Variants in MARCHF8 observed in about 807,000 individuals in gnomAD.
The protein encoded by MARCHF8 is membrane associated ring-CH-type finger 8.
A neutral mutation model predicts 51.6 loss-of-function variants in MARCHF8; 40 were observed. That is an observed-to-expected ratio of 0.77 (90% CI 0.60 to 1.01). The LOEUF is 1.01. MARCHF8 is among the 50% of genes least tolerant of loss of function. The pLI is 0.00. For missense variants in MARCHF8, 685 were observed against 708.6 expected, an observed-to-expected ratio of 0.97 and a Z score of 0.38; for synonymous variants, 263 against 280.3, an observed-to-expected ratio of 0.94 and a Z score of 0.62.
At chr10:45,563,424 A>G (rs1354745305) in intron 1 of MARCHF8, among the ~76,000 whole-genome samples, 1 of 152,196 alleles carries the variant, frequency 6.6e-6, no homozygotes, top group African/African-American at 2.4e-5. Flanking sequence ...AATCCTCTGT[A>G]TATATGAGAG....
chr10:45,536,834 A>AT (rs2043976858), upstream of MARCHF8, among the ~76,000 whole-genome samples: 2 of 127,126 alleles, frequency 1.6e-5, no homozygotes, highest in Non-Finnish European at 3.2e-5. Flanking sequence ...CATCTCTACC[A>AT]AAATAATAAT....
intron 2 of MARCHF8, among the ~76,000 whole-genome samples, chr10:45,493,039 G>T (rs1411212752): frequency 6.6e-6 from 1 of 152,178 alleles, no homozygotes; most frequent in Non-Finnish European, 1.5e-5. Flanking sequence ...GACGCTCAAC[G>T]TGTATTACCA....
intron 1 of MARCHF8, among the ~76,000 whole-genome samples, chr10:45,561,540 C>T (rs964985947): frequency 6.6e-6 from 1 of 151,542 alleles, no homozygotes; most frequent in African/African-American, 2.4e-5. Flanking sequence ...TCCCAAAGTG[C>T]TGGCATTACA....
rs376009788 is a variant in MARCHF8 at position 45,580,221 on chromosome 10, T to C, written c.-79+14014A>G. Among the ~76,000 whole-genome samples, 26 of 152,130 alleles carry C rather than the reference T, an allele frequency of 1.7e-4. No homozygotes were observed. In the East Asian group the frequency reaches 3.5e-3, roughly 20 times the overall value. ...ACCACAAAACGCAATATGCAGTCAT[T>C]AGAAGTTATTTAAAATCAGGAAATA... On this transcript the variant is annotated intron_variant, in intron 1 of 6. Transcript: ENST00000319836.
intron 1 of MARCHF8, among the ~76,000 whole-genome samples, chr10:45,572,991 C>G (rs2044448850): frequency 6.6e-6 from 1 of 152,102 alleles, no homozygotes; most frequent in East Asian, 1.9e-4. Flanking sequence ...CCCCCACCTG[C>G]CCAGCAATTT....
intron 1 of MARCHF8, among the ~76,000 whole-genome samples, chr10:45,571,501 C>G (rs760655119): frequency 6.6e-6 from 1 of 152,174 alleles, no homozygotes; most frequent in Non-Finnish European, 1.5e-5. Flanking sequence ...CCACCTGCAC[C>G]CAGGTGATTA....
intron 3 of MARCHF8, among the ~76,000 whole-genome samples, chr10:45,477,013 C>T (rs992766600): frequency 6.6e-6 from 1 of 152,060 alleles, no homozygotes; most frequent in Non-Finnish European, 1.5e-5. Flanking sequence ...TCAGAGATAT[C>T]CAAATATAAT....
chr10:45,539,059 T>C (rs2044014871), upstream of MARCHF8, among the ~76,000 whole-genome samples: 2 of 152,200 alleles, frequency 1.3e-5, no homozygotes, highest in East Asian at 1.9e-4. Context: ...ATTGACCACA[T>C]AGTTGGAAGT....
intron 1 of MARCHF8, among the ~76,000 whole-genome samples, chr10:45,543,508 C>G (rs2044080028): frequency 6.6e-6 from 1 of 152,158 alleles, no homozygotes; most frequent in Non-Finnish European, 1.5e-5. Flanking sequence ...TGATAAAAGA[C>G]TTGTATCTGG....
At chr10:45,505,454 T>G (rs2043362725) in intron 2 of MARCHF8, among the ~76,000 whole-genome samples, 1 of 152,268 alleles carries the variant, frequency 6.6e-6, no homozygotes, top group Admixed American at 6.5e-5. Flanking sequence ...TCCATTTATT[T>G]GTTTTTAATC....
intron 1 of MARCHF8, among the ~76,000 whole-genome samples, chr10:45,542,827 A>G (rs1161510049): frequency 3.9e-5 from 6 of 152,194 alleles, no homozygotes; most frequent in Admixed American, 2.0e-4. Context: ...AATGCCACAC[A>G]CTTTCCAAAA....
chr10:45,509,498 G>A (rs1243377922), intron 2 of MARCHF8, among the ~76,000 whole-genome samples: 1 of 152,158 alleles, frequency 6.6e-6, no homozygotes, highest in African/African-American at 2.4e-5. Context: ...AAAGTTATTT[G>A]CATAGATTAA....
intron 2 of MARCHF8, among the ~76,000 whole-genome samples, chr10:45,506,788 G>A (rs1044720807): frequency 1.3e-5 from 2 of 152,144 alleles, no homozygotes; most frequent in Admixed American, 6.5e-5. Context: ...AGTTGGGGTG[G>A]GGCAGTTTTA....
intron 1 of MARCHF8, among the ~76,000 whole-genome samples, chr10:45,582,946 C>G (rs1239504647): frequency 2.0e-5 from 3 of 152,158 alleles, no homozygotes; most frequent in African/African-American, 7.2e-5. Flanking sequence ...GATGTAACCA[C>G]AGTCAGAGAG....
chr10:45,551,064 T>C (rs34138033), intron 1 of MARCHF8, among the ~76,000 whole-genome samples: 9,352 of 152,276 alleles, frequency 0.061, 327 homozygotes, highest in Non-Finnish European at 0.066. Flanking sequence ...TCCCATTTTA[T>C]AGACGAGGAA....
chr10:45,471,001 A>C (rs367759491), intron 3 of MARCHF8, among the ~76,000 whole-genome samples: 1 of 152,192 alleles, frequency 6.6e-6, no homozygotes, highest in African/African-American at 2.4e-5. Flanking sequence ...TCTGATAAAT[A>C]CATGTTGACT....
At position 45,533,242 on chromosome 10, in the gene MARCHF8, A is replaced by G; in HGVS notation, c.-31T>C. On this transcript the variant is annotated 5_prime_UTR_variant, in exon 2 of 8. Coordinates refer to ENST00000453424, the MANE Select transcript of MARCHF8 (RefSeq NM_001282866.2). ...CCTCTTATCTGGTCGTCTTCTTCAC[A>G]GAAGAGAGTCTCCACTGGTAGAGTC... The G allele has an allele frequency of 6.3e-7, 1 of 1,587,586 alleles. No individual in the cohort carries two copies. Among genetic ancestry groups the G allele is most frequent in the South Asian group, 1.2e-5 (1 of 85,494 alleles).
intron 1 of MARCHF8, among the ~76,000 whole-genome samples, chr10:45,565,297 G>A (rs997251449): frequency 6.6e-6 from 1 of 152,038 alleles, no homozygotes; most frequent in Non-Finnish European, 1.5e-5. Context: ...CGGGCCTAGT[G>A]GTGCATGCCT....
intron 1 of MARCHF8, among the ~76,000 whole-genome samples, chr10:45,583,948 G>C (rs1159392738): frequency 6.9e-6 from 1 of 145,532 alleles, no homozygotes; most frequent in African/African-American, 2.5e-5. Flanking sequence ...GGAGGTTGCA[G>C]TGAGCCAAGA....
Sources: allele counts gnomAD v4.1 joint callset (sites outside exome capture counted in the v4.1 genomes callset), GRCh38; gene constraint gnomAD v4.1.1; transcripts MANE v1.5; gene names NCBI Gene and HGNC (gene_info 2026-07-23, HGNC 2026-07-21).